Variants in SCAPER observed in about 807,000 individuals in gnomAD.
SCAPER encodes the protein S phase cyclin A-associated protein in the endoplasmic reticulum.
Under a neutral mutation model 182.2 loss-of-function variants are expected in SCAPER, and 98 were observed. The ratio of observed to expected loss-of-function variants is 0.54; its 90% CI spans 0.46 to 0.64. The LOEUF is 0.64. Ranked by LOEUF, SCAPER falls within the 30% of genes least tolerant of loss-of-function variation. The pLI, the probability that SCAPER is intolerant of heterozygous loss-of-function variation, is 0.00. For synonymous variants in SCAPER, 605 were observed against 564.6 expected (o/e 1.07, Z -1.01); for missense variants, 1,432 against 1,690.0 (o/e 0.85, Z 2.68).
intron 20 of SCAPER, among the ~76,000 whole-genome samples, chr15:76,683,379 CA>C (rs984893043): frequency 6.6e-6 from 1 of 151,906 alleles, no homozygotes. Context: ...GAAAAATGAC[CA>C]AAACCTCTGA....
At chr15:76,835,470 A>G (rs933433799) in intron 5 of SCAPER, among the ~76,000 whole-genome samples, 5 of 152,184 alleles carry the variant, frequency 3.3e-5, no homozygotes, top group African/African-American at 4.8e-5. Flanking sequence ...CAGACACAGA[A>G]AAGGCTTTCA....
intron 26 of SCAPER, among the ~76,000 whole-genome samples, chr15:76,431,309 G>A (rs2046842349): frequency 1.3e-5 from 2 of 152,262 alleles, no homozygotes; most frequent in African/African-American, 4.8e-5. Flanking sequence ...CTTCTACAGT[G>A]TCTGGCACAA....
chr15:76,487,070 A>G (rs1039442535), intron 24 of SCAPER, among the ~76,000 whole-genome samples: 4 of 152,300 alleles, frequency 2.6e-5, no homozygotes, highest in Admixed American at 2.0e-4. Flanking sequence ...ACCTTAGCAA[A>G]CTAACACAGG....
chr15:76,468,599 T>G (rs1250158013), intron 25 of SCAPER, among the ~76,000 whole-genome samples: 1 of 152,130 alleles, frequency 6.6e-6, no homozygotes, highest in East Asian at 1.9e-4. Context: ...AGAGCTATTA[T>G]GAGGAGCTGA....
chr15:76,639,810 G>C lies in SCAPER; in HGVS notation c.2646-17981C>G, dbSNP rs142339175. Among the ~76,000 whole-genome samples the C allele has an allele frequency of 6.0e-3, 902 of 151,078 alleles. 4 individuals are homozygous for C. The highest frequency in any genetic ancestry group is 0.021 in the African/African-American group (869 of 41,052). ...AACAAAACTATACCACTTAAAAGTT[G>C]TGTTAAACCACCATATATGTTATTA... On this transcript the variant is annotated intron_variant, in intron 21 of 31. Coordinates refer to ENST00000563290, the MANE Select transcript of SCAPER (RefSeq NM_020843.4).
At chr15:76,570,070 T>A (rs1025388562) in intron 23 of SCAPER, among the ~76,000 whole-genome samples, 7 of 152,144 alleles carry the variant, frequency 4.6e-5, no homozygotes, top group African/African-American at 1.7e-4. Flanking sequence ...TGCTATTATC[T>A]TTCTCCAAAA....
chr15:76,670,994 G>A (rs958912661), intron 20 of SCAPER, among the ~76,000 whole-genome samples: 7 of 152,246 alleles, frequency 4.6e-5, no homozygotes, highest in African/African-American at 1.7e-4. Flanking sequence ...AACACTGAGG[G>A]AGTGGTTTAG....
intron 15 of SCAPER, among the ~76,000 whole-genome samples, chr15:76,742,029 A>C (rs1451847883): frequency 6.6e-6 from 1 of 152,156 alleles, no homozygotes; most frequent in Non-Finnish European, 1.5e-5. Context: ...AACAAAATAA[A>C]GAAGGGAAGA....
intron 17 of SCAPER, among the ~76,000 whole-genome samples, chr15:76,713,228 T>C (rs1375073346): frequency 6.6e-6 from 1 of 152,028 alleles, no homozygotes; most frequent in Admixed American, 6.6e-5. Flanking sequence ...TGGCGATTCC[T>C]CAGGCATCTA....
intron 20 of SCAPER, among the ~76,000 whole-genome samples, chr15:76,697,485 G>A (rs149218376): frequency 1.5e-3 from 234 of 152,262 alleles, no homozygotes; most frequent in African/African-American, 5.4e-3. Context: ...TCCGAAGTGC[G>A]TGAATCCTAT....
chr15:76,804,772 T>A, intron 5 of SCAPER, 139 bp from the exon 6 acceptor site: 1 of 481,118 alleles, frequency 2.1e-6, no homozygotes, highest in Non-Finnish European at 3.6e-6. Flanking sequence ...GTTACAGATT[T>A]TTTTTTTCAT....
At chr15:76,885,994 T>G (rs1436579568) in intron 1 of SCAPER, among the ~76,000 whole-genome samples, 4 of 152,238 alleles carry the variant, frequency 2.6e-5, no homozygotes, top group Non-Finnish European at 5.9e-5. Context: ...GGTATATTGA[T>G]TTCCATTGGG....
At chr15:76,852,255 T>C (rs1180723803) in intron 4 of SCAPER, among the ~76,000 whole-genome samples, 1 of 152,136 alleles carries the variant, frequency 6.6e-6, no homozygotes, top group African/African-American at 2.4e-5. Context: ...AAGACCTCAG[T>C]ACTCCACTGG....
intron 5 of SCAPER, among the ~76,000 whole-genome samples, chr15:76,832,570 T>C (rs1365387853): frequency 1.3e-5 from 2 of 152,166 alleles, no homozygotes; most frequent in Non-Finnish European, 2.9e-5. Flanking sequence ...AATTATACGG[T>C]TGGATCGGTG....
In SCAPER at chr15:76,841,883, G is replaced by GT. The variant is rs1428575448; in HGVS notation, c.243dup (p.His82ThrfsTer3). ...GTTTTAGTGGGACTTTTATCAAAGTGTTTATCTCCAGTCGTAGACGATGTT... is the reference window on the plus strand; with the variant it reads ...GTTTTAGTGGGACTTTTATCAAAGTGTTTTATCTCCAGTCGTAGACGATGTT... On this transcript the variant is annotated frameshift_variant, in exon 5 of 32. Transcript: ENST00000563290. LOFTEE classifies it high-confidence loss of function. 6.2e-7 allele frequency: 1 copy of GT among 1,613,830 alleles called. No individual in the cohort carries two copies. Among genetic ancestry groups the GT allele is most frequent in the Non-Finnish European group, 8.5e-7 (1 of 1,179,810 alleles).
chr15:76,662,707 A>C (rs761203225), intron 21 of SCAPER, among the ~76,000 whole-genome samples: 2 of 152,148 alleles, frequency 1.3e-5, no homozygotes, highest in African/African-American at 2.4e-5. Context: ...CAAGGTGCTA[A>C]GCCATATGGA....
intron 23 of SCAPER, among the ~76,000 whole-genome samples, chr15:76,560,329 T>C (rs921511069): frequency 5.9e-5 from 9 of 152,222 alleles, no homozygotes; most frequent in Admixed American, 4.6e-4. Context: ...AGCTACTACA[T>C]GATCTATTTG....
At chr15:76,718,568 G>A (rs1453580685) in intron 17 of SCAPER, among the ~76,000 whole-genome samples, 1 of 151,634 alleles carries the variant, frequency 6.6e-6, no homozygotes, top group African/African-American at 2.4e-5. Flanking sequence ...TTGAACCTGG[G>A]AAGTGGAGGC....
chr15:76,660,756 T>C (rs909621228), intron 21 of SCAPER, among the ~76,000 whole-genome samples: 3 of 152,098 alleles, frequency 2.0e-5, no homozygotes, highest in African/African-American at 7.2e-5. Flanking sequence ...AAAAACAGTA[T>C]ACAAATTGGA....
Sources: gnomAD v4.1 joint callset for allele counts (sites outside exome capture counted in the v4.1 genomes callset) on GRCh38, gnomAD v4.1.1 for gene constraint, MANE v1.5 for transcripts, NCBI Gene and HGNC (gene_info 2026-07-23, HGNC 2026-07-21) for gene names.